Variants in PPP6R1 observed in about 807,000 individuals in gnomAD.
The protein encoded by PPP6R1 is serine/threonine-protein phosphatase 6 regulatory subunit 1.
Under a neutral mutation model 104.6 loss-of-function variants are expected in PPP6R1, and 39 were observed. The observed-to-expected ratio is 0.37, with a 90% CI of 0.29 to 0.49. The LOEUF (loss-of-function observed/expected upper bound fraction) is 0.49, where lower values mean the gene tolerates loss of function less well. PPP6R1 is among the 20% of genes least tolerant of loss of function. PPP6R1 has a pLI of 0.98. For missense variants in PPP6R1, 1,181 were observed against 1,155.8 expected, an observed-to-expected ratio of 1.02 and a Z score of -0.32; for synonymous variants, 549 against 479.0, an observed-to-expected ratio of 1.15 and a Z score of -1.91.
intron 5 of PPP6R1, among the ~76,000 whole-genome samples, chr19:55,243,551 G>A (rs979962328): frequency 3.3e-5 from 5 of 152,118 alleles, no homozygotes; most frequent in Admixed American, 6.5e-5. Flanking sequence ...TCTAGTTCCA[G>A]CTGTTCATGA....
rs1316444820 is a variant in PPP6R1 at position 55,242,149 on chromosome 19, T to A, written c.845+17A>T. The stretch of plus-strand genomic sequence containing the variant: ...GGGGATGGGCAGCATGCATGGTCTG[T>A]GGCCCGTATCCCTCACCTCGGCCTC... On this transcript the variant is annotated intron_variant, in intron 7 of 23. Transcript: ENST00000412770. The A allele has an allele frequency of 2.5e-6, 4 of 1,605,512 alleles. No homozygotes were observed. Among genetic ancestry groups the A allele is most frequent in the Non-Finnish European group, 3.4e-6 (4 of 1,175,940 alleles).
chr19:55,253,594 C>A (rs2122734009), intron 1 of PPP6R1, among the ~76,000 whole-genome samples: 1 of 152,308 alleles, frequency 6.6e-6, no homozygotes, highest in East Asian at 1.9e-4. Flanking sequence ...TCAAGTGGCT[C>A]CTCTGAAAAT....
At chr19:55,239,323 C>A in intron 15 of PPP6R1, 82 bp downstream of exon 15, 2 of 1,347,232 alleles carry the variant, frequency 1.5e-6, no homozygotes, top group Non-Finnish European at 2.1e-6. Context: ...CATGTAGGTG[C>A]GTGCAGGGGA....
chr19:55,246,830 T>A, intron 2 of PPP6R1, 47 bp downstream of exon 2: 1 of 1,439,364 alleles, frequency 6.9e-7, no homozygotes, highest in Non-Finnish European at 9.4e-7. Flanking sequence ...AGTGAAGGTA[T>A]GTGTGATGCT....
chr19:55,257,484 G>A (rs570750257), intron 1 of PPP6R1, among the ~76,000 whole-genome samples: 45 of 152,310 alleles, frequency 3.0e-4, no homozygotes, highest in African/African-American at 9.1e-4. Context: ...CACGCCGGGC[G>A]GAACTACTCT....
chr19:55,247,422 G>C, intron 1 of PPP6R1: 1 of 390,926 alleles, frequency 2.6e-6, no homozygotes. Context: ...TGAGGCCTCA[G>C]GCCTGGTGAA....
intron 12 of PPP6R1, 31 bp downstream of exon 12, chr19:55,239,968 C>T: frequency 6.2e-7 from 1 of 1,611,396 alleles, no homozygotes; most frequent in Non-Finnish European, 8.5e-7. Context: ...AGCCCCCCAC[C>T]TAGCCCTCAG....
In PPP6R1 at chr19:55,258,488, C is replaced by G. The variant is rs1037961976; in HGVS notation, c.-60G>C. ...CTCGGGGCTCATCGGGGCGCCCCCC[C>G]CCGCCCCGCCGCCGGCGGCTCCGGC... On this transcript the variant is annotated 5_prime_UTR_variant, in exon 1 of 24. Transcript: ENST00000412770. 4 of 149,700 alleles carry G rather than the reference C, an allele frequency of 2.7e-5. No homozygotes were observed. The highest frequency in any genetic ancestry group is 2.0e-4 in the Admixed American group (3 of 15,088). 9.3% of individuals were successfully genotyped at this position (149,700 alleles called of 1,614,324 possible).
rs146920687 is a variant in PPP6R1 at position 55,232,569 on chromosome 19, G to C, written c.1989-358C>G. 6 of 240,772 alleles carry C rather than the reference G, an allele frequency of 2.5e-5. No individual in the cohort carries two copies. In the South Asian group the frequency reaches 4.5e-4, roughly 18 times the overall value. 14.9% of individuals were successfully genotyped at this position (240,772 alleles called of 1,614,324 possible). A position where few individuals can be genotyped will look rare whatever the true frequency, so the allele number is the denominator to read the frequency against. ...CCACCTCCCAGCCGTCACCTCACACGGTCACCACAGTGACAGGCCTTCCCA... is the reference window on the plus strand; with the variant it reads ...CCACCTCCCAGCCGTCACCTCACACCGTCACCACAGTGACAGGCCTTCCCA... On this transcript the variant is annotated intron_variant, in intron 17 of 23. Coordinates refer to ENST00000412770, the MANE Select transcript of PPP6R1 (RefSeq NM_014931.4).
intron 1 of PPP6R1, among the ~76,000 whole-genome samples, chr19:55,257,346 G>A (rs1467847867): frequency 2.6e-5 from 4 of 152,208 alleles, no homozygotes; most frequent in Non-Finnish European, 4.4e-5. Flanking sequence ...TACCGCACCT[G>A]ACAGTCTACG....
chr19:55,235,814 G>A (rs558557341), intron 17 of PPP6R1, among the ~76,000 whole-genome samples: 82 of 151,284 alleles, frequency 5.4e-4, no homozygotes, highest in Non-Finnish European at 5.5e-4. Flanking sequence ...CACCGTGCCC[G>A]GCTGATTTTT....
chr19:55,256,619 G>A (rs1332174984), intron 1 of PPP6R1, among the ~76,000 whole-genome samples: 2 of 152,170 alleles, frequency 1.3e-5, no homozygotes, highest in African/African-American at 4.8e-5. Context: ...AAATCAGCCT[G>A]GGCACCACAG....
chr19:55,245,279 G>C lies in PPP6R1; in HGVS notation c.538C>G (p.Gln180Glu). 6.3e-7 allele frequency: 1 copy of C among 1,598,220 alleles called. No homozygotes were observed. The highest frequency in any genetic ancestry group is 8.5e-7 in the Non-Finnish European group (1 of 1,172,956). The part of the protein sequence containing the change: ...LTCVERPQLR[Q>E]DVVNWLNEEK... ...GCCCTGCTCACATTGACAACATCCT[G>C]CCTCAGCTGAGGCCGCTCCACACAG... Residue 180 changes from glutamine to glutamate, a missense_variant, in exon 4 of 24, where the codon CAG (glutamine) becomes GAG (glutamate). By Grantham distance (29) the Gln-to-Glu change is conservative (BLOSUM62 2). Around this residue, in one of 2 missense-constraint regions of PPP6R1, gnomAD observed 1,042 missense variants for 955.6 expected, o/e 1.09. Transcript: ENST00000412770. This position sits in a 1 kb window ranked among gnomAD's most constrained non-coding sequence, Gnocchi z 6.4.
Position 55,236,986 on chromosome 19 carries a change from A to AGGCAT in PPP6R1, c.1752-21_1752-17dup, listed in dbSNP as rs760338983. On this transcript the variant is annotated splice_polypyrimidine_tract_variant and intron_variant, in intron 15 of 23. Coordinates refer to ENST00000412770, the MANE Select transcript of PPP6R1 (RefSeq NM_014931.4). ...AAAAGGTGCGCTAGGAGAGAAGGCA[A>AGGCAT]GGCATGGTGAGAAGGTCCACCTGGG... 6.2e-7 allele frequency: 1 copy of AGGCAT among 1,601,028 alleles called. No homozygotes were observed. The highest frequency in any genetic ancestry group is 8.6e-7 in the Non-Finnish European group (1 of 1,168,198).
chr19:55,255,763 C>CCCG (rs1189561975), intron 1 of PPP6R1: 1 of 152,566 alleles, frequency 6.6e-6, no homozygotes, highest in African/African-American at 2.4e-5. Context: ...CGGAGCTCTT[C>CCCG]GAGTCTGACT....
At position 55,230,397 on chromosome 19, in the gene PPP6R1, G is replaced by T; in HGVS notation, c.*131C>A. 1.4e-6 allele frequency: 2 copies of T among 1,379,506 alleles called. No homozygotes were observed. Among genetic ancestry groups the T allele is most frequent in the South Asian group, 1.3e-5 (1 of 77,842 alleles). 85.5% of individuals were successfully genotyped at this position (1,379,506 alleles called of 1,614,324 possible). A position where few individuals can be genotyped will look rare whatever the true frequency, so the allele number is the denominator to read the frequency against. ...TCTCCCTGGCACCAGCCTCCTGGGG[G>T]TCCAGAGGAGAGAATGTGGGGGTGT... On this transcript the variant is annotated 3_prime_UTR_variant, in exon 24 of 24. Coordinates refer to ENST00000412770, the MANE Select transcript of PPP6R1 (RefSeq NM_014931.4).
intron 15 of PPP6R1, 48 bp from the exon 16 acceptor site, chr19:55,237,018 G>A (rs1047019815): frequency 1.3e-6 from 2 of 1,526,478 alleles, no homozygotes; most frequent in Non-Finnish European, 1.8e-6. Flanking sequence ...TGGGGGTGGG[G>A]GCAGCACAGG....
intron 17 of PPP6R1, 200 bp from the exon 18 acceptor site, chr19:55,232,411 GC>G: frequency 4.2e-6 from 3 of 721,626 alleles, no homozygotes; most frequent in Non-Finnish European, 6.4e-6. Context: ...AAGAACACAG[GC>G]GGGCAGGGAC....
At chr19:55,243,000 G>A (rs2087472400) in intron 5 of PPP6R1, among the ~76,000 whole-genome samples, 1 of 152,110 alleles carries the variant, frequency 6.6e-6, no homozygotes, top group Admixed American at 6.5e-5. Context: ...CGGGGGCTAA[G>A]AAGAGAAAGG....
Sources: gnomAD v4.1 joint callset for allele counts (sites outside exome capture counted in the v4.1 genomes callset) on GRCh38, gnomAD v4.1.1 for gene constraint, gnomAD v4.1.1 regional missense constraint, Gnocchi (gnomAD v3.1) non-coding constraint, MANE v1.5 for transcripts, NCBI Gene and HGNC (gene_info 2026-07-23, HGNC 2026-07-21) for gene names.